The following RYR3 variants were observed in gnomAD, a reference collection of about 807,000 sequenced individuals.
RYR3 encodes ryanodine receptor 3, also known as brain ryanodine receptor-calcium release channel.
In RYR3, 207 loss-of-function variants were observed where a neutral mutation model predicts 584.3. The ratio of observed to expected loss-of-function variants is 0.35; its 90% CI spans 0.32 to 0.40. The LOEUF is 0.40. Among genes scored for constraint, RYR3 ranks in the 10% least tolerant of loss-of-function variants. The probability of loss-of-function intolerance (pLI) is 1.00; values close to 1 mark genes in which losing one functional copy is unlikely to be tolerated. For synonymous variants in RYR3, 2,416 were observed against 2,248.5 expected (o/e 1.07, Z -2.11); for missense variants, 5,616 against 6,089.2 (o/e 0.92, Z 2.59).
At chr15:33,463,248 A>G (rs968837044) in intron 1 of RYR3, among the ~76,000 whole-genome samples, 4 of 152,164 alleles carry the variant, frequency 2.6e-5, no homozygotes, top group African/African-American at 7.2e-5. Flanking sequence ...GACCCTTGCT[A>G]CCTCTGAGGT....
intron 1 of RYR3, among the ~76,000 whole-genome samples, chr15:33,403,019 T>C (rs909477374): frequency 6.6e-6 from 1 of 152,216 alleles, no homozygotes; most frequent in African/African-American, 2.4e-5. Flanking sequence ...GTTATTTAAG[T>C]GAGCATTTAA....
intron 34 of RYR3, among the ~76,000 whole-genome samples, chr15:33,661,730 A>C (rs890179941): frequency 2.6e-5 from 4 of 152,146 alleles, no homozygotes; most frequent in Admixed American, 1.3e-4. Flanking sequence ...CGGGATTGGG[A>C]ACCCCTGATG....
intron 45 of RYR3, among the ~76,000 whole-genome samples, chr15:33,725,863 G>A (rs948863083): frequency 2.3e-4 from 34 of 150,796 alleles, no homozygotes; most frequent in Admixed American, 1.5e-3. Flanking sequence ...CCAGCTACTC[G>A]GGAGGCTGAG....
At chr15:33,818,254 G>A (rs764944940) in intron 75 of RYR3, among the ~76,000 whole-genome samples, 1 of 152,192 alleles carries the variant, frequency 6.6e-6, no homozygotes, top group Non-Finnish European at 1.5e-5. Flanking sequence ...CCCAGAGCTT[G>A]CATGAGAGGT....
Position 33,623,984 on chromosome 15 carries a change from C to A in RYR3, c.2535C>A (p.Ser845=), listed in dbSNP as rs912415017. 1 of 1,613,830 alleles carries A rather than the reference C, an allele frequency of 6.2e-7. No individual in the cohort carries two copies. Among genetic ancestry groups the A allele is most frequent in the African/African-American group, 1.3e-5 (1 of 74,908 alleles). ...TCTTGGGTACCACCCAGTTCCTCTC[C>A]CAAGCCTCTTTCATCCCATGCCCCG... is the stretch of plus-strand genomic sequence containing the variant. ...RDLLGTTQFL[S]QASFIPCPVD... is the part of the protein sequence containing the mutation. The change falls in exon 20 of 104, where the codon TCC becomes TCA. Residue 845 remains serine (S), a synonymous_variant. Transcript: ENST00000634891.
At chr15:33,844,253 T>C (rs1457281841) in intron 92 of RYR3, among the ~76,000 whole-genome samples, 1 of 152,086 alleles carries the variant, frequency 6.6e-6, no homozygotes, top group African/African-American at 2.4e-5. Context: ...AAAAGAAAAA[T>C]GGAAGTCCAT....
chr15:33,624,041 G>A lies in RYR3; in HGVS notation c.2574+18G>A, dbSNP rs200054484. The A allele has an allele frequency of 1.4e-4, 226 of 1,560,148 alleles. 1 individual carries two copies. In the African/African-American group the frequency reaches 2.5e-3, roughly 17 times the overall value. ...CCAGTCAGGTAGGTTCAAATTGCCC[G>A]CAGAAGGCAACCAATATAGATGAAG... On this transcript the variant is annotated intron_variant, in intron 20 of 103. Transcript: ENST00000634891.
intron 1 of RYR3, among the ~76,000 whole-genome samples, chr15:33,364,611 C>T (rs1394190867): frequency 1.3e-5 from 2 of 152,118 alleles, no homozygotes; most frequent in African/African-American, 2.4e-5. Context: ...AAGCAGCGTA[C>T]CAGACAATGC....
chr15:33,435,121 T>C (rs1299510035), intron 1 of RYR3, among the ~76,000 whole-genome samples: 1 of 152,062 alleles, frequency 6.6e-6, no homozygotes, highest in African/African-American at 2.4e-5. Context: ...TGCCCTGCCA[T>C]TTACATTTTA....
intron 3 of RYR3, among the ~76,000 whole-genome samples, chr15:33,528,191 A>C (rs2141023764): frequency 6.6e-6 from 1 of 152,214 alleles, no homozygotes; most frequent in African/African-American, 2.4e-5. Flanking sequence ...AATCTACTCC[A>C]GTATCCTGTT....
chr15:33,425,337 G>A (rs2044527230), intron 1 of RYR3, among the ~76,000 whole-genome samples: 1 of 152,160 alleles, frequency 6.6e-6, no homozygotes, highest in Admixed American at 6.5e-5. Context: ...CTGTTTGCTG[G>A]AGAGGCTGTG....
At chr15:33,772,188 T>C (rs986331628) in intron 63 of RYR3, 30 bp downstream of exon 63, 1 of 1,445,464 alleles carries the variant, frequency 6.9e-7, no homozygotes, top group Admixed American at 1.7e-5. Flanking sequence ...GTCGTGGATG[T>C]ATGTGCACAT....
At chr15:33,749,882 G>A in intron 55 of RYR3, 97 bp from the exon 56 acceptor site, 4 of 977,578 alleles carry the variant, frequency 4.1e-6, no homozygotes, top group East Asian at 2.6e-5. Flanking sequence ...GTTCAGTGGT[G>A]TGCTTTTCCC....
chr15:33,436,501 C>CTTTTTTT (rs34317660), intron 1 of RYR3, among the ~76,000 whole-genome samples: 1 of 135,920 alleles, frequency 7.4e-6, no homozygotes, highest in Non-Finnish European at 1.6e-5. Flanking sequence ...AAACCATATT[C>CTTTTTTT]TTTTTTTTTT....
intron 1 of RYR3, among the ~76,000 whole-genome samples, chr15:33,427,605 T>C (rs2141684599): frequency 6.6e-6 from 1 of 152,324 alleles, no homozygotes; most frequent in East Asian, 1.9e-4. Context: ...CTCTTGACTT[T>C]ATTTTCTGGA....
At position 33,865,747 on chromosome 15, in the gene RYR3, TTGTCGACAC is replaced by T. The variant is rs1162653172; in HGVS notation, c.*524_*532del. 6.5e-6 allele frequency: 1 copy of T among 153,572 alleles called. No individual in the cohort carries two copies. The highest frequency in any genetic ancestry group is 2.4e-5 in the African/African-American group (1 of 41,464). 9.5% of individuals were successfully genotyped at this position (153,572 alleles called of 1,614,324 possible). A position where few individuals can be genotyped will look rare whatever the true frequency, so the allele number is the denominator to read the frequency against. On this transcript the variant is annotated 3_prime_UTR_variant, in exon 104 of 104. Transcript: ENST00000634891. ...AAAGAAACAGAAAAAAACCGACACT[TTGTCGACAC>T]TGAAATATCGATTAAGTGCCTTAAA...
intron 38 of RYR3, among the ~76,000 whole-genome samples, chr15:33,682,239 T>C (rs572201373): frequency 6.6e-6 from 1 of 152,290 alleles, no homozygotes; most frequent in East Asian, 1.9e-4. Context: ...AACTTAACAA[T>C]GAGTGACACC....
intron 1 of RYR3, among the ~76,000 whole-genome samples, chr15:33,464,445 A>G (rs1032564278): frequency 8.4e-5 from 11 of 130,868 alleles, no homozygotes; most frequent in African/African-American, 2.3e-4. Context: ...TACAGAAGAG[A>G]GACTGTAGGG....
At chr15:33,627,269 T>C (rs2061041076) in intron 20 of RYR3, among the ~76,000 whole-genome samples, 1 of 152,056 alleles carries the variant, frequency 6.6e-6, no homozygotes, top group African/African-American at 2.4e-5. Flanking sequence ...TGTCAACCAA[T>C]AAACATGAAA....
Sources: allele counts gnomAD v4.1 joint callset (sites outside exome capture counted in the v4.1 genomes callset), GRCh38; gene constraint gnomAD v4.1.1; transcripts MANE v1.5; gene names NCBI Gene and HGNC (gene_info 2026-07-23, HGNC 2026-07-21).